NWD2: variants seen among roughly 807,000 people sequenced by gnomAD.
NWD2 encodes NACHT and WD repeat domain-containing protein 2.
A neutral mutation model predicts 132.7 loss-of-function variants in NWD2; 37 were observed. The observed-to-expected ratio is 0.28, with a 90% CI of 0.21 to 0.37. NWD2 has a LOEUF of 0.37. NWD2 is among the 10% of genes least tolerant of loss of function. The pLI, the probability that NWD2 is intolerant of heterozygous loss-of-function variation, is 1.00. For missense variants in NWD2, 1,592 were observed against 2,122.4 expected, an observed-to-expected ratio of 0.75 and a Z score of 4.91; for synonymous variants, 705 against 803.0, an observed-to-expected ratio of 0.88 and a Z score of 2.06.
intron 1 of NWD2, among the ~76,000 whole-genome samples, chr4:37,263,509 C>T (rs917744632): frequency 6.6e-6 from 1 of 152,150 alleles, no homozygotes; most frequent in African/African-American, 2.4e-5. Flanking sequence ...TCCTTAACCT[C>T]TTTAAGCCTT....
intron 1 of NWD2, among the ~76,000 whole-genome samples, chr4:37,308,914 C>T (rs931668487): frequency 1.3e-5 from 2 of 152,120 alleles, no homozygotes; most frequent in Non-Finnish European, 2.9e-5. Flanking sequence ...ATGTGCCAGT[C>T]CTTAGGCCCC....
At chr4:37,253,887 T>C (rs1717449393) in intron 1 of NWD2, among the ~76,000 whole-genome samples, 1 of 152,146 alleles carries the variant, frequency 6.6e-6, no homozygotes, top group Non-Finnish European at 1.5e-5. Flanking sequence ...AGTAATTAGG[T>C]TTGATAAAGT....
chr4:37,375,566 C>CTT (rs34055055), intron 3 of NWD2, among the ~76,000 whole-genome samples: 2,424 of 130,160 alleles, frequency 0.019, 97 homozygotes, highest in African/African-American at 0.064. Flanking sequence ...CTGGAATTCA[C>CTT]TTTTTTTTTT....
chr4:37,384,002 G>A (rs1445561689), intron 3 of NWD2, among the ~76,000 whole-genome samples: 3 of 151,546 alleles, frequency 2.0e-5, no homozygotes, highest in Non-Finnish European at 4.4e-5. Flanking sequence ...AGGACGTGCC[G>A]GTCTGTTACA....
At chr4:37,298,006 G>A (rs1718534189) in intron 1 of NWD2, among the ~76,000 whole-genome samples, 2 of 152,070 alleles carry the variant, frequency 1.3e-5, no homozygotes, top group South Asian at 2.1e-4. Context: ...ACTGCAACAC[G>A]CCACAGGGAA....
chr4:37,416,239 A>C (rs1711596340), intron 3 of NWD2, among the ~76,000 whole-genome samples: 1 of 152,236 alleles, frequency 6.6e-6, no homozygotes, highest in South Asian at 2.1e-4. Flanking sequence ...CACAGGCGCC[A>C]AAACAGGACT....
intron 1 of NWD2, among the ~76,000 whole-genome samples, chr4:37,308,673 A>G (rs1372425870): frequency 1.3e-5 from 2 of 152,194 alleles, no homozygotes; most frequent in African/African-American, 2.4e-5. Context: ...GGGGACATGC[A>G]GTGGTTTCAC....
chr4:37,396,761 G>A lies in NWD2; in HGVS notation c.358-33811G>A, dbSNP rs149185378. Among the ~76,000 whole-genome samples the A allele has an allele frequency of 1.3e-3, 204 of 152,234 alleles. 4 individuals are homozygous for A. In the East Asian group the frequency reaches 0.028, roughly 21 times the overall value. On this transcript the variant is annotated intron_variant, in intron 3 of 6. Coordinates refer to ENST00000309447, the MANE Select transcript of NWD2 (RefSeq NM_001144990.2). ...TAAAAAGCAAAGCGAGGCTGGGCACGGTGGCTCACCCCTGTAATCCCAGCA... is the reference window on the plus strand; with the variant it reads ...TAAAAAGCAAAGCGAGGCTGGGCACAGTGGCTCACCCCTGTAATCCCAGCA...
At chr4:37,270,515 C>G (rs1306748859) in intron 1 of NWD2, among the ~76,000 whole-genome samples, 1 of 151,372 alleles carries the variant, frequency 6.6e-6, no homozygotes, top group African/African-American at 2.4e-5. Context: ...GTGCATGGCT[C>G]CCACGGAGAG....
chr4:37,321,924 A>G (rs978762685), intron 1 of NWD2, among the ~76,000 whole-genome samples: 12 of 152,186 alleles, frequency 7.9e-5, no homozygotes, highest in African/African-American at 2.9e-4. Flanking sequence ...TGCCACAAAC[A>G]CAGAAACCAG....
intron 3 of NWD2, among the ~76,000 whole-genome samples, chr4:37,395,703 C>G (rs1388068876): frequency 6.6e-6 from 1 of 151,640 alleles, no homozygotes; most frequent in African/African-American, 2.4e-5. Flanking sequence ...TTCCTTCATC[C>G]CACTCCCAGC....
At chr4:37,316,482 G>A (rs529071676) in intron 1 of NWD2, among the ~76,000 whole-genome samples, 32 of 151,390 alleles carry the variant, frequency 2.1e-4, no homozygotes, top group African/African-American at 7.7e-4. Context: ...ATCCTAGTTG[G>A]GTTCTTGAAC....
chr4:37,316,815 G>A (rs28550001), intron 1 of NWD2, among the ~76,000 whole-genome samples: 11,043 of 151,968 alleles, frequency 0.073, 1,226 homozygotes, highest in African/African-American at 0.24. Flanking sequence ...CCTCTCATAA[G>A]TATTTCTTAA....
chr4:37,274,682 A>G (rs1316921103), intron 1 of NWD2, among the ~76,000 whole-genome samples: 2 of 151,972 alleles, frequency 1.3e-5, no homozygotes, highest in African/African-American at 2.4e-5. Flanking sequence ...AAAATCCTCA[A>G]TAAAATACTG....
intron 1 of NWD2, among the ~76,000 whole-genome samples, chr4:37,324,420 G>GA (rs1463178331): frequency 1.3e-5 from 2 of 151,764 alleles, no homozygotes; most frequent in African/African-American, 2.4e-5. Flanking sequence ...TTTGGGTTTT[G>GA]AAAATCTAAG....
At position 37,331,488 on chromosome 4, in the gene NWD2, ACAATACCAC is replaced by A. The variant is rs1719290315; in HGVS notation, c.240+5467_240+5475del. ...CATCACCCTACTTGAGTATTTCTAT[ACAATACCAC>A]CAGAATCATCACCCTACTTGAGTAT... On this transcript the variant is annotated intron_variant, in intron 2 of 6. Coordinates refer to ENST00000309447, the MANE Select transcript of NWD2 (RefSeq NM_001144990.2). 2.3e-5 allele frequency among the ~76,000 whole-genome samples: 3 copies of A among 129,988 alleles called. No individual in the cohort carries two copies. In the Admixed American group the frequency reaches 2.3e-4, roughly 10 times the overall value. The allele number at this position is 129,988 out of a possible 152,430, so 85.3% of individuals were successfully genotyped here. A position where few individuals can be genotyped will look rare whatever the true frequency, so the allele number is the denominator to read the frequency against.
intron 3 of NWD2, among the ~76,000 whole-genome samples, chr4:37,364,836 A>G (rs1450536969): frequency 6.6e-6 from 1 of 152,152 alleles, no homozygotes; most frequent in Non-Finnish European, 1.5e-5. Context: ...GTAAGAAGAA[A>G]GAAGCCCAGA....
At chr4:37,414,713 TGGAGAA>T (rs910045154) in intron 3 of NWD2, among the ~76,000 whole-genome samples, 3 of 152,222 alleles carry the variant, frequency 2.0e-5, no homozygotes, top group Admixed American at 6.5e-5. Context: ...GCCTGACATT[TGGAGAA>T]CCAAAAAAGT....
At chr4:37,323,436 A>G (rs1719108783) in intron 1 of NWD2, among the ~76,000 whole-genome samples, 1 of 152,194 alleles carries the variant, frequency 6.6e-6, no homozygotes, top group Non-Finnish European at 1.5e-5. Flanking sequence ...GAAACATGAA[A>G]AAATACTCAT....
Sources: allele counts gnomAD v4.1 joint callset (sites outside exome capture counted in the v4.1 genomes callset), GRCh38; gene constraint gnomAD v4.1.1; transcripts MANE v1.5; gene names NCBI Gene and HGNC (gene_info 2026-07-23, HGNC 2026-07-21).